CADM2: variants seen among roughly 807,000 people sequenced by gnomAD.
CADM2 encodes the protein cell adhesion molecule 2.
In CADM2, 12 loss-of-function variants were observed where a neutral mutation model predicts 49.8. The observed-to-expected ratio is 0.24, with a 90% CI of 0.15 to 0.39. The LOEUF is 0.39. Ranked by LOEUF, CADM2 falls within the 10% of genes least tolerant of loss-of-function variation. CADM2 has a pLI of 1.00. For synonymous variants in CADM2, 214 were observed against 175.4 expected (o/e 1.22, Z -1.74); for missense variants, 378 against 492.3 (o/e 0.77, Z 2.20).
chr3:85,380,385 G>A (rs2033834868), intron 1 of CADM2, among the ~76,000 whole-genome samples: 1 of 151,706 alleles, frequency 6.6e-6, no homozygotes, highest in African/African-American at 2.4e-5. Flanking sequence ...TACATTTTAT[G>A]GGACTCAGAA....
intron 6 of CADM2, among the ~76,000 whole-genome samples, chr3:85,928,481 TA>T (rs1424316907): frequency 6.6e-6 from 1 of 152,086 alleles, no homozygotes; most frequent in African/African-American, 2.4e-5. Flanking sequence ...CTTTTGTCCA[TA>T]AATCTAGCTT....
chr3:86,043,546 C>A (rs567508350), intron 8 of CADM2, among the ~76,000 whole-genome samples: 91 of 152,238 alleles, frequency 6.0e-4, no homozygotes, highest in African/African-American at 2.0e-3. Context: ...AGGAGAACTG[C>A]AAACCACTGC....
chr3:85,921,063 T>G (rs779223674), intron 6 of CADM2, among the ~76,000 whole-genome samples: 43 of 151,918 alleles, frequency 2.8e-4, no homozygotes, highest in Non-Finnish European at 1.8e-4. Flanking sequence ...TTTTCAATTA[T>G]TTTTAAGTCA....
At chr3:85,567,260 A>G (rs2107213432) in intron 1 of CADM2, among the ~76,000 whole-genome samples, 1 of 152,288 alleles carries the variant, frequency 6.6e-6, no homozygotes. Flanking sequence ...CAGATGGTTA[A>G]TAGCGCCCCC....
At chr3:85,721,460 T>C (rs2067500342) in intron 1 of CADM2, among the ~76,000 whole-genome samples, 1 of 151,930 alleles carries the variant, frequency 6.6e-6, no homozygotes, top group Admixed American at 6.6e-5. Context: ...CTCACACTAC[T>C]GGCCTGGGTC....
At chr3:85,693,408 G>T (rs2066447119) in intron 1 of CADM2, among the ~76,000 whole-genome samples, 1 of 149,016 alleles carries the variant, frequency 6.7e-6, no homozygotes. Context: ...GTGAAACCCC[G>T]TCTCTACTAA....
intron 6 of CADM2, among the ~76,000 whole-genome samples, chr3:85,920,261 A>G (rs1411999106): frequency 4.6e-5 from 7 of 151,830 alleles, no homozygotes; most frequent in Non-Finnish European, 3.0e-5. Flanking sequence ...TATCTTGTCT[A>G]CCACAAATTA....
intron 1 of CADM2, among the ~76,000 whole-genome samples, chr3:85,168,343 C>T (rs537266038): frequency 6.6e-6 from 1 of 152,282 alleles, no homozygotes; most frequent in East Asian, 1.9e-4. Flanking sequence ...GCATGAGCTA[C>T]CATGCCCGGC....
intron 1 of CADM2, among the ~76,000 whole-genome samples, chr3:85,315,160 C>A (rs1215111164): frequency 1.3e-5 from 2 of 152,064 alleles, no homozygotes; most frequent in Admixed American, 1.3e-4. Context: ...TTCTTCCAGG[C>A]CGAGTGAAGT....
intron 1 of CADM2, among the ~76,000 whole-genome samples, chr3:85,724,822 A>G (rs1035412895): frequency 2.0e-5 from 3 of 151,990 alleles, no homozygotes; most frequent in South Asian, 4.1e-4. Context: ...TTTTTGATAT[A>G]TATCAATTTT....
chr3:85,641,284 T>C (rs576445940), intron 1 of CADM2, among the ~76,000 whole-genome samples: 1 of 152,318 alleles, frequency 6.6e-6, no homozygotes, highest in South Asian at 2.1e-4. Flanking sequence ...CCAATTCAGT[T>C]AACCATTCGT....
chr3:85,086,205 A>C (rs1333741992), intron 1 of CADM2, among the ~76,000 whole-genome samples: 3 of 152,186 alleles, frequency 2.0e-5, no homozygotes, highest in Admixed American at 2.0e-4. Context: ...TAGGCGTTCT[A>C]TCTCAGAAGT....
chr3:85,562,478 CAAAAAAAAAAAAAAA>C (rs10533481), intron 1 of CADM2, among the ~76,000 whole-genome samples: 10 of 65,502 alleles, frequency 1.5e-4, no homozygotes, highest in African/African-American at 7.9e-4. Flanking sequence ...AACTCCATCT[CAAAAAAAAAAAAAAA>C]AAAAAAAAAA....
intron 1 of CADM2, among the ~76,000 whole-genome samples, chr3:85,723,224 T>C (rs1334014706): frequency 1.3e-5 from 2 of 152,178 alleles, no homozygotes; most frequent in African/African-American, 4.8e-5. Flanking sequence ...AATTGTGTTA[T>C]AGTAACAATT....
intron 7 of CADM2, among the ~76,000 whole-genome samples, chr3:85,947,144 C>G (rs1295521468): frequency 6.6e-6 from 1 of 151,998 alleles, no homozygotes; most frequent in Non-Finnish European, 1.5e-5. Context: ...AGGATATGAA[C>G]AGACACTTCT....
intron 1 of CADM2, among the ~76,000 whole-genome samples, chr3:85,096,781 A>G (rs1175820580): frequency 6.6e-6 from 1 of 152,208 alleles, no homozygotes; most frequent in Non-Finnish European, 1.5e-5. Flanking sequence ...CTACAGCAAT[A>G]TATAAAGTAT....
intron 1 of CADM2, among the ~76,000 whole-genome samples, chr3:85,110,901 A>G (rs1341476074): frequency 6.6e-6 from 1 of 151,820 alleles, no homozygotes; most frequent in Non-Finnish European, 1.5e-5. Flanking sequence ...TAAGCTCACA[A>G]AGAAAGCAAA....
chr3:85,374,169 C>A (rs552883825), intron 1 of CADM2, among the ~76,000 whole-genome samples: 2 of 152,188 alleles, frequency 1.3e-5, no homozygotes, highest in African/African-American at 2.4e-5. Context: ...CAAACCATAT[C>A]TTTATAAGTT....
chr3:85,482,931 A>G (rs2039272461), intron 1 of CADM2, among the ~76,000 whole-genome samples: 1 of 151,614 alleles, frequency 6.6e-6, no homozygotes, highest in Non-Finnish European at 1.5e-5. Context: ...CATTTTATGA[A>G]TATATATTTG....
Sources: gnomAD v4.1 joint callset for allele counts (sites outside exome capture counted in the v4.1 genomes callset) on GRCh38, gnomAD v4.1.1 for gene constraint, MANE v1.5 for transcripts, NCBI Gene and HGNC (gene_info 2026-07-23, HGNC 2026-07-21) for gene names.